BEST3: variants seen among roughly 807,000 people sequenced by gnomAD.
BEST3 encodes bestrophin 3.
A neutral mutation model predicts 47.1 loss-of-function variants in BEST3; 50 were observed. The observed-to-expected ratio is 1.06, with a 90% CI of 0.85 to 1.34. The LOEUF is 1.34. BEST3 is among the 40% of genes most tolerant of loss of function. The pLI is 0.00. For synonymous variants in BEST3, 282 were observed against 298.8 expected, an observed-to-expected ratio of 0.94 and a Z score of 0.58; for missense variants, 765 against 817.0, an observed-to-expected ratio of 0.94 and a Z score of 0.78.
chr12:69,655,889 G>A, intron 9 of BEST3, 76 bp from the exon 10 acceptor site: 1 of 1,503,666 alleles, frequency 6.7e-7, no homozygotes, highest in Non-Finnish European at 8.8e-7. Context: ...TCAAAGTTAA[G>A]AGATGACTTT....
rs1883349403 is a variant in BEST3, at chr12:69,654,763, C to A, written c.*144G>T. 7.3e-7 allele frequency: 1 copy of A among 1,375,406 alleles called. No homozygotes were observed. The allele number at this position is 1,375,406 out of a possible 1,614,324, so 85.2% of individuals were successfully genotyped here. ...CTCTCAAAAAGTCAGGATCATAATG[C>A]CCTTCAAAGTTCTAAGTAGCTTATA... On this transcript the variant is annotated 3_prime_UTR_variant, in exon 10 of 10. Coordinates refer to ENST00000330891, the MANE Select transcript of BEST3 (RefSeq NM_032735.3).
chr12:69,670,871 TCAG>T (rs1884525833), intron 9 of BEST3, among the ~76,000 whole-genome samples: 1 of 152,220 alleles, frequency 6.6e-6, no homozygotes, highest in Non-Finnish European at 1.5e-5. Flanking sequence ...GCATCTGCCT[TCAG>T]CAAATATACT....
intron 2 of BEST3, 90 bp downstream of exon 2, chr12:69,697,557 A>C: frequency 9.3e-7 from 1 of 1,075,274 alleles, no homozygotes. Flanking sequence ...CATAATGCGA[A>C]GTCAGTGGCA....
intron 5 of BEST3, 60 bp from the exon 6 acceptor site, chr12:69,677,317 T>G: frequency 7.1e-7 from 1 of 1,407,662 alleles, no homozygotes. Context: ...AATAAGTACT[T>G]ACTGGGACTC....
At chr12:69,659,141 G>T (rs1383754410) in intron 9 of BEST3, among the ~76,000 whole-genome samples, 1 of 152,094 alleles carries the variant, frequency 6.6e-6, no homozygotes, top group Non-Finnish European at 1.5e-5. Context: ...TACACTGAGT[G>T]GTGAATGATG....
At chr12:69,678,645 A>G (rs1885062609) in intron 5 of BEST3, 94 bp downstream of exon 5, 2 of 1,257,390 alleles carry the variant, frequency 1.6e-6, no homozygotes, top group Non-Finnish European at 1.1e-6. Context: ...ACCAGGACTG[A>G]ACAAAGCTGA....
chr12:69,684,329 C>A, intron 4 of BEST3: 1 of 411,648 alleles, frequency 2.4e-6, no homozygotes, highest in Non-Finnish European at 4.3e-6. Flanking sequence ...TGCATTTACT[C>A]CCAATTGAGT....
At chr12:69,671,983 T>C (rs947567465) in intron 8 of BEST3, among the ~76,000 whole-genome samples, 10 of 152,262 alleles carry the variant, frequency 6.6e-5, no homozygotes, top group Admixed American at 3.9e-4. Context: ...CTGTTAACCC[T>C]GTAAACACAT....
intron 4 of BEST3, among the ~76,000 whole-genome samples, chr12:69,691,471 A>C (rs1401425731): frequency 1.3e-5 from 2 of 152,144 alleles, no homozygotes; most frequent in African/African-American, 4.8e-5. Context: ...TGTCGTACCC[A>C]ACTAAAACAG....
intron 9 of BEST3, chr12:69,660,570 AC>A (rs1883811460): frequency 6.6e-6 from 1 of 152,050 alleles, no homozygotes; most frequent in Non-Finnish European, 1.5e-5. Flanking sequence ...GACTGCCCTG[AC>A]CTTGCCTCTC....
chr12:69,653,686 C>T lies in BEST3; in HGVS notation c.*1221G>A, dbSNP rs901529482. ...TATGACAAATGGTAAGTGCAGCAGT[C>T]GTAAGGCATGGCCTAGGCACTTGGG... is the stretch of plus-strand genomic sequence containing the variant. On this transcript the variant is annotated 3_prime_UTR_variant, in exon 10 of 10. Coordinates refer to ENST00000330891, the MANE Select transcript of BEST3 (RefSeq NM_032735.3). The T allele has an allele frequency of 1.8e-5, 18 of 985,262 alleles. No homozygotes were observed. The highest frequency in any genetic ancestry group is 1.1e-4 in the East Asian group (1 of 8,830). The allele number at this position is 985,262 out of a possible 1,614,324, so 61.0% of individuals were successfully genotyped here. A position where few individuals can be genotyped will look rare whatever the true frequency, so the allele number is the denominator to read the frequency against.
At chr12:69,671,650 A>C in intron 8 of BEST3, 71 bp from the exon 9 acceptor site, 1 of 1,449,094 alleles carries the variant, frequency 6.9e-7, no homozygotes, top group Non-Finnish European at 9.6e-7. Context: ...TTTTTTGGGC[A>C]GATGAGAGTT....
Position 69,678,028 on chromosome 12 carries a change from C to T in BEST3, c.636+711G>A, listed in dbSNP as rs535765083. ...TCCTGTTTCCTCCCACAAATGGAGACTATAACACTCATATTGATAGAAAAT... is the reference window on the plus strand; with the variant it reads ...TCCTGTTTCCTCCCACAAATGGAGATTATAACACTCATATTGATAGAAAAT... On this transcript the variant is annotated intron_variant, in intron 5 of 9. Transcript: ENST00000330891. 8.5e-5 allele frequency among the ~76,000 whole-genome samples: 13 copies of T among 152,198 alleles called. No homozygotes were observed. In the East Asian group the frequency reaches 2.5e-3, roughly 29 times the overall value.
chr12:69,674,015 C>T (rs568880190), intron 7 of BEST3, among the ~76,000 whole-genome samples: 1 of 152,002 alleles, frequency 6.6e-6, no homozygotes, highest in South Asian at 2.1e-4. Context: ...TATCATTTTC[C>T]TTGTTGAAAA....
At chr12:69,680,020 A>C (rs1885151106) in intron 4 of BEST3, among the ~76,000 whole-genome samples, 1 of 152,060 alleles carries the variant, frequency 6.6e-6, no homozygotes, top group South Asian at 2.1e-4. Context: ...TATTTGCTTC[A>C]CAGGGATGTT....
downstream of BEST3, among the ~76,000 whole-genome samples, chr12:69,648,649 A>T (rs1428455393): frequency 6.6e-6 from 1 of 152,164 alleles, no homozygotes; most frequent in Non-Finnish European, 1.5e-5. Flanking sequence ...GCTTTAGCGG[A>T]ATGCCTGACA....
chr12:69,692,204 A>T (rs565512357), intron 4 of BEST3, among the ~76,000 whole-genome samples: 21 of 152,338 alleles, frequency 1.4e-4, no homozygotes, highest in African/African-American at 5.1e-4. Flanking sequence ...AAAAGAAGCC[A>T]ACACAAACTC....
intron 1 of BEST3, among the ~76,000 whole-genome samples, chr12:69,698,824 C>T (rs1003061409): frequency 5.3e-5 from 8 of 152,164 alleles, no homozygotes; most frequent in African/African-American, 9.7e-5. Context: ...TCTGGAGCTA[C>T]GTTTACAGCA....
intron 2 of BEST3, among the ~76,000 whole-genome samples, chr12:69,696,306 G>A (rs944158689): frequency 1.3e-5 from 2 of 152,114 alleles, no homozygotes; most frequent in African/African-American, 2.4e-5. Flanking sequence ...GTATGATATT[G>A]GAACAAAAGT....
Sources: allele counts gnomAD v4.1 joint callset (sites outside exome capture counted in the v4.1 genomes callset), GRCh38; gene constraint gnomAD v4.1.1; transcripts MANE v1.5; gene names NCBI Gene and HGNC (gene_info 2026-07-23, HGNC 2026-07-21).